Variants in OXCT1 observed in about 807,000 individuals in gnomAD.
The protein encoded by OXCT1 is 3-oxoacid CoA-transferase 1.
Under a neutral mutation model 69.6 loss-of-function variants are expected in OXCT1, and 27 were observed. The observed-to-expected ratio is 0.39, with a 90% CI of 0.29 to 0.54. OXCT1 has a LOEUF of 0.54. Ranked by LOEUF, OXCT1 falls within the 20% of genes least tolerant of loss-of-function variation. OXCT1 has a pLI of 0.72. For missense variants in OXCT1, 437 were observed against 650.2 expected (o/e 0.67, Z 3.57); for synonymous variants, 202 against 217.8 (o/e 0.93, Z 0.64).
intron 7 of OXCT1, among the ~76,000 whole-genome samples, chr5:41,832,221 G>A (rs954272732): frequency 1.3e-5 from 2 of 152,180 alleles, no homozygotes; most frequent in Admixed American, 1.3e-4. Context: ...AGCAGGCCTT[G>A]GGCAAAACCC....
intron 7 of OXCT1, among the ~76,000 whole-genome samples, chr5:41,822,037 C>T (rs1303732628): frequency 1.3e-5 from 2 of 152,142 alleles, no homozygotes; most frequent in Non-Finnish European, 2.9e-5. Context: ...TTCTATTTTA[C>T]ACTTACATTT....
intron 7 of OXCT1, among the ~76,000 whole-genome samples, chr5:41,822,849 T>A (rs557673632): frequency 2.0e-5 from 3 of 152,302 alleles, no homozygotes; most frequent in African/African-American, 7.2e-5. Flanking sequence ...TATATTAAAG[T>A]GGATTTCTTA....
chr5:41,751,728 T>C lies in OXCT1; in HGVS notation c.1339-2121A>G, dbSNP rs372392982. On this transcript the variant is annotated intron_variant, in intron 14 of 16. Coordinates refer to ENST00000196371, the MANE Select transcript of OXCT1 (RefSeq NM_000436.4). ...TCCTATATGAAGTCTGACAGAGGAT[T>C]ATGTAGAAAATGGCCTAAATACAAT... 4.6e-5 allele frequency among the ~76,000 whole-genome samples: 7 copies of C among 152,242 alleles called. No individual in the cohort carries two copies. The South Asian group carries it at 1.4e-3, about 32-fold the overall frequency.
chr5:41,825,055 G>A (rs1355850390), intron 7 of OXCT1, among the ~76,000 whole-genome samples: 1 of 152,154 alleles, frequency 6.6e-6, no homozygotes, highest in East Asian at 1.9e-4. Flanking sequence ...CCTTTTCACA[G>A]AAGGCACAGA....
intron 11 of OXCT1, among the ~76,000 whole-genome samples, chr5:41,797,469 C>T (rs1746235395): frequency 6.6e-6 from 1 of 152,166 alleles, no homozygotes; most frequent in South Asian, 2.1e-4. Flanking sequence ...CATAGAATGT[C>T]CAAGTTTGGT....
intron 6 of OXCT1, among the ~76,000 whole-genome samples, chr5:41,840,813 A>G (rs1280855436): frequency 6.6e-6 from 1 of 152,208 alleles, no homozygotes; most frequent in Non-Finnish European, 1.5e-5. Flanking sequence ...AATCTATCTT[A>G]TTTGAAGTTA....
At chr5:41,789,119 A>T (rs1364041147) in intron 13 of OXCT1, among the ~76,000 whole-genome samples, 1 of 152,224 alleles carries the variant, frequency 6.6e-6, no homozygotes, top group Admixed American at 6.5e-5. Flanking sequence ...TAGAGAAAAA[A>T]GGTTTCAAAT....
intron 6 of OXCT1, 112 bp downstream of exon 6, chr5:41,842,548 TGCAATACACATGGGC>T (rs1748678356): frequency 1.3e-6 from 1 of 760,814 alleles, no homozygotes; most frequent in East Asian, 2.5e-5. Flanking sequence ...CCTATATATG[TGCAATACACATGGGC>T]ATGTATGATT....
intron 16 of OXCT1, among the ~76,000 whole-genome samples, chr5:41,738,406 G>A (rs1170217992): frequency 1.3e-5 from 2 of 152,138 alleles, no homozygotes; most frequent in East Asian, 3.9e-4. Flanking sequence ...CTGTTCTTGT[G>A]ATAGTGAGTA....
intron 3 of OXCT1, among the ~76,000 whole-genome samples, chr5:41,859,238 C>T (rs1236388639): frequency 6.6e-6 from 1 of 152,124 alleles, no homozygotes; most frequent in Non-Finnish European, 1.5e-5. Context: ...CCCCAAAACA[C>T]AAGAGTAGTG....
chr5:41,731,511 C>G lies in OXCT1; in HGVS notation c.*218G>C. On this transcript the variant is annotated 3_prime_UTR_variant, in exon 17 of 17. Transcript: ENST00000196371. ...CTATTATAAAAACAACCTTCTCAGC[C>G]TTAACAAATGAGATAATTATAAATG... The G allele has an allele frequency of 1.1e-6, 1 of 900,968 alleles. No homozygotes were observed. Among genetic ancestry groups the G allele is most frequent in the Non-Finnish European group, 1.6e-6 (1 of 621,590 alleles). The allele number at this position is 900,968 out of a possible 1,614,324, so 55.8% of individuals were successfully genotyped here.
chr5:41,764,897 CTT>C (rs1744523207), intron 13 of OXCT1, among the ~76,000 whole-genome samples: 1 of 152,138 alleles, frequency 6.6e-6, no homozygotes, highest in Non-Finnish European at 1.5e-5. Flanking sequence ...AGAGCAGTAT[CTT>C]TTAATAGCAT....
Position 41,853,771 on chromosome 5 carries a change from A to AT in OXCT1, c.279-218dup, listed in dbSNP as rs564327668. The AT allele has an allele frequency of 3.3e-4, 211 of 644,766 alleles. 1 individual carries two copies. The East Asian group carries it at 6.4e-3, about 20-fold the overall frequency. 39.9% of individuals were successfully genotyped at this position (644,766 alleles called of 1,614,324 possible). Reference sequence around the variant, plus strand: ...AACTAAAAGTCAAGAAGTTTAAGTTATTTTTTTGTGGGAGCGGGGCATGCA... The same window carrying AT: ...AACTAAAAGTCAAGAAGTTTAAGTTATTTTTTTTGTGGGAGCGGGGCATGCA... On this transcript the variant is annotated intron_variant, in intron 3 of 16. Transcript: ENST00000196371.
intron 16 of OXCT1, among the ~76,000 whole-genome samples, chr5:41,734,901 A>G (rs1486199029): frequency 2.0e-5 from 3 of 152,230 alleles, no homozygotes; most frequent in Admixed American, 6.5e-5. Context: ...CCACAATGAG[A>G]TATCACCTCA....
At chr5:41,746,981 T>G (rs1363095234) in intron 15 of OXCT1, among the ~76,000 whole-genome samples, 1 of 152,124 alleles carries the variant, frequency 6.6e-6, no homozygotes, top group Non-Finnish European at 1.5e-5. Context: ...ATTTTGAGAT[T>G]TTTTGCCTAG....
intron 13 of OXCT1, among the ~76,000 whole-genome samples, chr5:41,780,049 G>T (rs1745319551): frequency 6.6e-6 from 1 of 152,074 alleles, no homozygotes; most frequent in Non-Finnish European, 1.5e-5. Context: ...AAGAAAATTA[G>T]TAAGTCTGAA....
At chr5:41,817,298 G>A (rs879897402) in intron 7 of OXCT1, among the ~76,000 whole-genome samples, 3 of 152,122 alleles carry the variant, frequency 2.0e-5, no homozygotes, top group Non-Finnish European at 2.9e-5. Context: ...TCGATTTGTG[G>A]TTTCAGCCCT....
Position 41,860,297 on chromosome 5 carries a change from G to C in OXCT1, c.278+1017C>G, listed in dbSNP as rs956553272. On this transcript the variant is annotated intron_variant, in intron 3 of 16. Transcript: ENST00000196371. Reference sequence around the variant, plus strand: ...ATACATAACTACTGTAAATAAAGGAGATTGGTAATGTAATATACATATATA... The same window carrying C: ...ATACATAACTACTGTAAATAAAGGACATTGGTAATGTAATATACATATATA... Among the ~76,000 whole-genome samples, 12 of 152,058 alleles carry C rather than the reference G, an allele frequency of 7.9e-5. No individual in the cohort carries two copies. The East Asian group carries it at 2.1e-3, about 27-fold the overall frequency.
At chr5:41,794,836 C>A in intron 11 of OXCT1, 87 bp from the exon 12 acceptor site, 1 of 1,421,306 alleles carries the variant, frequency 7.0e-7, no homozygotes, top group Non-Finnish European at 9.8e-7. Flanking sequence ...CTTCTCCATT[C>A]CCAAAAGAAC....
Sources: gnomAD v4.1 joint callset for allele counts (sites outside exome capture counted in the v4.1 genomes callset) on GRCh38, gnomAD v4.1.1 for gene constraint, MANE v1.5 for transcripts, NCBI Gene and HGNC (gene_info 2026-07-23, HGNC 2026-07-21) for gene names.